The following FOXP2 variants were observed in gnomAD, a reference collection of about 807,000 sequenced individuals.
FOXP2 encodes forkhead box P2, also known as forkhead box protein P2.
A neutral mutation model predicts 115.8 loss-of-function variants in FOXP2; 12 were observed. The ratio of observed to expected loss-of-function variants is 0.10; its 90% CI spans 0.07 to 0.17. FOXP2 has a LOEUF of 0.17. Among genes scored for constraint, FOXP2 ranks in the 10% least tolerant of loss-of-function variants. The probability of loss-of-function intolerance (pLI) is 1.00; values close to 1 mark genes in which losing one functional copy is unlikely to be tolerated. For missense variants in FOXP2, 629 were observed against 843.5 expected, an observed-to-expected ratio of 0.75 and a Z score of 3.15; for synonymous variants, 328 against 297.7, an observed-to-expected ratio of 1.10 and a Z score of -1.05.
At chr7:114,179,101 C>T (rs193010124) in intron 1 of FOXP2, among the ~76,000 whole-genome samples, 67 of 151,984 alleles carry the variant, frequency 4.4e-4, no homozygotes, top group Non-Finnish European at 6.9e-4. Context: ...TAAGAAGGCT[C>T]GTACAAAGGA....
At chr7:114,660,806 C>A (rs1400243972) in intron 13 of FOXP2, among the ~76,000 whole-genome samples, 1 of 151,992 alleles carries the variant, frequency 6.6e-6, no homozygotes, top group Non-Finnish European at 1.5e-5. Flanking sequence ...AATGTTCTGT[C>A]ATTTGATTTA....
intron 1 of FOXP2, among the ~76,000 whole-genome samples, chr7:114,123,880 G>A (rs1791632178): frequency 6.6e-6 from 1 of 151,918 alleles, no homozygotes; most frequent in Non-Finnish European, 1.5e-5. Context: ...TTGACATTTT[G>A]TTAAGCTATG....
intron 3 of FOXP2, among the ~76,000 whole-genome samples, chr7:114,596,747 A>T (rs191748152): frequency 6.6e-6 from 1 of 152,056 alleles, no homozygotes; most frequent in Non-Finnish European, 1.5e-5. Flanking sequence ...TATTTGGAAG[A>T]GTGTTACTTA....
At chr7:114,424,366 A>G (rs1037014593) in intron 1 of FOXP2, among the ~76,000 whole-genome samples, 2 of 151,524 alleles carry the variant, frequency 1.3e-5, no homozygotes, top group East Asian at 1.9e-4. Context: ...TCCAGAAACA[A>G]TAAATATTTC....
intron 2 of FOXP2, among the ~76,000 whole-genome samples, chr7:114,385,158 C>A (rs2396727): frequency 6.6e-6 from 1 of 151,520 alleles, no homozygotes; most frequent in African/African-American, 2.4e-5. Flanking sequence ...AGCTGTATAC[C>A]TAAATCGGGA....
At chr7:114,092,683 G>T (rs1023886319) in intron 1 of FOXP2, among the ~76,000 whole-genome samples, 6 of 151,878 alleles carry the variant, frequency 4.0e-5, no homozygotes, top group Non-Finnish European at 8.8e-5. Context: ...AACATATGTA[G>T]ACTGTCATAA....
intron 3 of FOXP2, among the ~76,000 whole-genome samples, chr7:114,557,541 C>A (rs1332698665): frequency 6.6e-6 from 1 of 151,518 alleles, no homozygotes; most frequent in African/African-American, 2.4e-5. Context: ...ATTTCACTTC[C>A]TAATTAGTGC....
intron 1 of FOXP2, among the ~76,000 whole-genome samples, chr7:114,205,909 A>G (rs1409147527): frequency 1.3e-5 from 2 of 152,210 alleles, no homozygotes; most frequent in Non-Finnish European, 2.9e-5. Context: ...TGGGCAACAT[A>G]TCACAGCATC....
intron 1 of FOXP2, among the ~76,000 whole-genome samples, chr7:114,197,007 C>T (rs1477923205): frequency 6.6e-6 from 1 of 152,006 alleles, no homozygotes; most frequent in Non-Finnish European, 1.5e-5. Flanking sequence ...GCCTTGGCAA[C>T]ATAGTTAGAC....
At chr7:114,164,405 T>C (rs1584517166) in intron 1 of FOXP2, among the ~76,000 whole-genome samples, 1 of 151,534 alleles carries the variant, frequency 6.6e-6, no homozygotes, top group Admixed American at 6.6e-5. Flanking sequence ...AGTACAGTGG[T>C]GCGATCTCGG....
At chr7:114,627,204 A>G (rs1221423874) in intron 3 of FOXP2, among the ~76,000 whole-genome samples, 55 of 151,384 alleles carry the variant, frequency 3.6e-4, no homozygotes, top group Non-Finnish European at 3.0e-5. Flanking sequence ...CTTTCTCCAT[A>G]ACATAAAGTG....
chr7:114,426,132 T>C (rs1182912445), intron 1 of FOXP2, among the ~76,000 whole-genome samples: 2 of 151,648 alleles, frequency 1.3e-5, no homozygotes, highest in Non-Finnish European at 3.0e-5. Flanking sequence ...TAGTCATCCA[T>C]GGTTGTCAAA....
Position 114,291,989 on chromosome 7 carries a change from T to C in FOXP2, c.-11+3880T>C, listed in dbSNP as rs901814598. Among the ~76,000 whole-genome samples the C allele has an allele frequency of 9.9e-4, 130 of 130,764 alleles. 2 individuals are homozygous for C. The highest frequency in any genetic ancestry group is 4.2e-3 in the African/African-American group (122 of 28,718). The allele number at this position is 130,764 out of a possible 152,430, so 85.8% of individuals were successfully genotyped here. A position where few individuals can be genotyped will look rare whatever the true frequency, so the allele number is the denominator to read the frequency against. ...TATATTATAGATAATATATAGAATA[T>C]ATATTATAGATAATATATAGATATA... is the stretch of plus-strand genomic sequence containing the variant. On this transcript the variant is annotated intron_variant, in intron 2 of 17. Coordinates refer to the FOXP2 transcript ENST00000634411.
At chr7:114,514,938 A>G (rs1036876514) in intron 2 of FOXP2, among the ~76,000 whole-genome samples, 8 of 150,280 alleles carry the variant, frequency 5.3e-5, no homozygotes, top group Non-Finnish European at 7.4e-5. Flanking sequence ...TCATTGTTCA[A>G]TTCCCACCTA....
At chr7:114,673,860 C>T (rs935381169) in intron 16 of FOXP2, among the ~76,000 whole-genome samples, 3 of 152,082 alleles carry the variant, frequency 2.0e-5, no homozygotes, top group East Asian at 1.9e-4. Context: ...CCACTACACC[C>T]GACTAATTTT....
intron 1 of FOXP2, among the ~76,000 whole-genome samples, chr7:114,112,048 T>G (rs1460076831): frequency 6.6e-6 from 1 of 152,092 alleles, no homozygotes; most frequent in African/African-American, 2.4e-5. Context: ...ATAGCAGCAG[T>G]ACTAAAACCA....
At chr7:114,241,493 A>G (rs1795150951) in intron 1 of FOXP2, among the ~76,000 whole-genome samples, 1 of 152,084 alleles carries the variant, frequency 6.6e-6, no homozygotes, top group Non-Finnish European at 1.5e-5. Flanking sequence ...AATTAATTCT[A>G]TTGGACAGAA....
intron 1 of FOXP2, among the ~76,000 whole-genome samples, chr7:114,209,372 A>G (rs1054188492): frequency 6.6e-6 from 1 of 152,190 alleles, no homozygotes; most frequent in Non-Finnish European, 1.5e-5. Flanking sequence ...ATGAGAATGA[A>G]CTAATACAGG....
At position 114,423,380 on chromosome 7, in the gene FOXP2, A is replaced by G. The variant is rs1369109191; in HGVS notation, c.-10-3122A>G. ...ACAGTGACTTGCTTAAAAAAGAAGA[A>G]AGAAAAAGGAAAGGAAGGAAAACTT... On this transcript the variant is annotated intron_variant, in intron 1 of 16. Coordinates refer to ENST00000350908, the MANE Select transcript of FOXP2 (RefSeq NM_014491.4). Among the ~76,000 whole-genome samples the G allele has an allele frequency of 2.0e-5, 3 of 151,782 alleles. No individual in the cohort carries two copies. In the East Asian group the frequency reaches 5.8e-4, roughly 30 times the overall value.
Sources: gnomAD v4.1 joint callset for allele counts (sites outside exome capture counted in the v4.1 genomes callset) on GRCh38, gnomAD v4.1.1 for gene constraint, MANE v1.5 for transcripts, NCBI Gene and HGNC (gene_info 2026-07-23, HGNC 2026-07-21) for gene names.